Variants in RANBP2 observed in about 807,000 individuals in gnomAD.
RANBP2 encodes the protein E3 SUMO-protein ligase RanBP2.
A neutral mutation model predicts 303.6 loss-of-function variants in RANBP2; 57 were observed. That is an observed-to-expected ratio of 0.19 (90% confidence interval 0.15 to 0.23). The LOEUF (loss-of-function observed/expected upper bound fraction) is 0.23, where lower values mean the gene tolerates loss of function less well. RANBP2 is among the 10% of genes least tolerant of loss of function. RANBP2 has a pLI of 1.00. For synonymous variants in RANBP2, 1,167 were observed against 1,301.5 expected (o/e 0.90, Z 2.23); for missense variants, 3,138 against 3,780.8 (o/e 0.83, Z 4.46).
chr2:108,744,440 T>C (rs826562), intron 7 of RANBP2, among the ~76,000 whole-genome samples: 37,185 of 151,558 alleles, frequency 0.25, 4,768 homozygotes, highest in South Asian at 0.34. Context: ...ATTGAGATGA[T>C]TTGATTGAGT....
the RANBP2 span, among the ~76,000 whole-genome samples, chr2:109,192,064 A>G: frequency 6.6e-6 from 1 of 152,106 alleles, no homozygotes; most frequent in African/African-American, 2.4e-5. Context: ...GTCTACCTGC[A>G]CCTTCACTTT....
At chr2:109,548,360 TCATGCAA>T in the RANBP2 span, among the ~76,000 whole-genome samples, 5 of 152,152 alleles carry the variant, frequency 3.3e-5, no homozygotes, top group African/African-American at 1.2e-4. Flanking sequence ...AACCTGGCAT[TCATGCAA>T]ACAAAGCAGG....
chr2:108,913,450 A>G, the RANBP2 span, among the ~76,000 whole-genome samples: 1 of 152,190 alleles, frequency 6.6e-6, no homozygotes, highest in Non-Finnish European at 1.5e-5. Flanking sequence ...AATTCCTTCA[A>G]TTACATAGAG....
At chr2:108,732,732 CCT>C (rs1695268856) in intron 4 of RANBP2, among the ~76,000 whole-genome samples, 1 of 152,248 alleles carries the variant, frequency 6.6e-6, no homozygotes, top group Non-Finnish European at 1.5e-5. Context: ...CTATGCCTGA[CCT>C]CTGGCAACCA....
intron 9 of RANBP2, among the ~76,000 whole-genome samples, chr2:108,750,433 A>G (rs1195013550): frequency 6.6e-6 from 1 of 152,222 alleles, no homozygotes; most frequent in African/African-American, 2.4e-5. Flanking sequence ...CTTCATTGCA[A>G]GTTATTTCCA....
At chr2:109,170,356 TTTC>T in the RANBP2 span, among the ~76,000 whole-genome samples, 1 of 151,576 alleles carries the variant, frequency 6.6e-6, no homozygotes, top group African/African-American at 2.4e-5. Context: ...CCTTTCTTTC[TTTC>T]TTTTTTGACC....
the RANBP2 span, among the ~76,000 whole-genome samples, chr2:109,590,424 C>CA: frequency 1.4e-5 from 2 of 146,592 alleles, no homozygotes; most frequent in South Asian, 4.3e-4. Context: ...GAGGTAAATC[C>CA]TTTTTTTTTT....
chr2:108,913,811 G>A, the RANBP2 span, among the ~76,000 whole-genome samples: 2 of 151,992 alleles, frequency 1.3e-5, no homozygotes, highest in African/African-American at 4.8e-5. Flanking sequence ...TTAGCCGGGC[G>A]TGGTGGCAGG....
chr2:109,714,964 T>C, the RANBP2 span, among the ~76,000 whole-genome samples: 1 of 16,260 alleles, frequency 6.2e-5, no homozygotes, highest in South Asian at 1.7e-3. Context: ...AGGTTTTTTT[T>C]GGGGGGGTGG....
the RANBP2 span, among the ~76,000 whole-genome samples, chr2:109,567,394 AT>A: frequency 4.9e-4 from 74 of 152,322 alleles, 1 homozygote; most frequent in African/African-American, 1.7e-3. Flanking sequence ...ACTTGACACT[AT>A]GAGAGAGAAG....
At chr2:109,698,246 G>A in the RANBP2 span, among the ~76,000 whole-genome samples, 1 of 151,668 alleles carries the variant, frequency 6.6e-6, no homozygotes, top group Non-Finnish European at 1.5e-5. Context: ...CTCATCTAGT[G>A]TATTTGTTCA....
At chr2:109,401,534 G>A in the RANBP2 span, among the ~76,000 whole-genome samples, 7 of 152,202 alleles carry the variant, frequency 4.6e-5, no homozygotes, top group Non-Finnish European at 1.0e-4. Context: ...TCTGGCCTGT[G>A]TCCTGTAATT....
At chr2:109,651,680 T>C in the RANBP2 span, among the ~76,000 whole-genome samples, 3 of 152,134 alleles carry the variant, frequency 2.0e-5, no homozygotes, top group African/African-American at 7.2e-5. Context: ...ATTTGAGCGG[T>C]TGGCTGGGGA....
At chr2:109,116,818 G>A in the RANBP2 span, among the ~76,000 whole-genome samples, 1 of 151,880 alleles carries the variant, frequency 6.6e-6, no homozygotes, top group African/African-American at 2.4e-5. Flanking sequence ...TGGTGTGGAT[G>A]TCTTTTCTGT....
At chr2:109,388,456 G>C in the RANBP2 span, among the ~76,000 whole-genome samples, 1 of 152,158 alleles carries the variant, frequency 6.6e-6, no homozygotes, top group Non-Finnish European at 1.5e-5. Flanking sequence ...ACTCATGCAA[G>C]ATCCACCACC....
the RANBP2 span, among the ~76,000 whole-genome samples, chr2:108,889,801 T>G: frequency 6.6e-6 from 1 of 152,188 alleles, no homozygotes; most frequent in African/African-American, 2.4e-5. Flanking sequence ...TATTGATATG[T>G]GAGGTTTTGT....
downstream of RANBP2, chr2:108,788,700 A>G: frequency 9.5e-7 from 1 of 1,049,008 alleles, no homozygotes; most frequent in Non-Finnish European, 1.3e-6. Flanking sequence ...AGCCTGGGTG[A>G]CAGAGCGAGA....
At chr2:109,199,618 G>GTTCC in the RANBP2 span, among the ~76,000 whole-genome samples, 5 of 226 alleles carry the variant, frequency 0.022, no homozygotes, top group Admixed American at 0.042. Flanking sequence ...GGAATGGAAT[G>GTTCC]GAATGGAATG....
chr2:109,602,054 A>G, the RANBP2 span, among the ~76,000 whole-genome samples: 1 of 152,162 alleles, frequency 6.6e-6, no homozygotes, highest in Non-Finnish European at 1.5e-5. Flanking sequence ...TCTAACAGAG[A>G]AATGAGCTGC....
Sources: allele counts gnomAD v4.1 joint callset (sites outside exome capture counted in the v4.1 genomes callset), GRCh38; gene constraint gnomAD v4.1.1; transcripts MANE v1.5; gene names NCBI Gene and HGNC (gene_info 2026-07-23, HGNC 2026-07-21).